The following CYP39A1 variants were observed in gnomAD, a reference collection of about 807,000 sequenced individuals.
The protein encoded by CYP39A1 is cytochrome P450 family 39 subfamily A member 1.
A neutral mutation model predicts 58.1 loss-of-function variants in CYP39A1; 49 were observed. The observed-to-expected ratio is 0.84, with a 90% CI of 0.67 to 1.07. CYP39A1 has a LOEUF of 1.07. CYP39A1 is among the 50% of genes least tolerant of loss of function. The pLI is 0.00. For synonymous variants in CYP39A1, 209 were observed against 187.6 expected (o/e 1.11, Z -0.93); for missense variants, 531 against 539.4 (o/e 0.98, Z 0.16).
chr6:46,596,042 C>G lies in CYP39A1; in HGVS notation c.1010G>C (p.Arg337Pro). 6.2e-7 allele frequency: 1 copy of G among 1,611,816 alleles called. No individual in the cohort carries two copies. The highest frequency in any genetic ancestry group is 8.5e-7 in the Non-Finnish European group (1 of 1,178,726). ...LIKWCVLETI[R>P]LKAPGVITRK... ...AGTAATGACACCAGGAGCTTTTAAA[C>G]GAATGGTTTCCAAAACACACCATTT... is the stretch of plus-strand genomic sequence containing the variant. The change falls in exon 8 of 12, where the codon CGT becomes CCT. Residue 337 changes from arginine to proline, a missense_variant. Transcript: ENST00000275016.
intron 1 of CYP39A1, among the ~76,000 whole-genome samples, chr6:46,643,749 C>G (rs1776483460): frequency 1.3e-5 from 2 of 152,136 alleles, no homozygotes; most frequent in African/African-American, 2.4e-5. Context: ...TGGTCATGCA[C>G]AGTGTTAGAA....
chr6:46,555,971 T>C (rs548191541), intron 10 of CYP39A1, among the ~76,000 whole-genome samples: 1 of 152,340 alleles, frequency 6.6e-6, no homozygotes, highest in South Asian at 2.1e-4. Flanking sequence ...AAATAGGACA[T>C]GGCTAATATT....
intron 1 of CYP39A1, among the ~76,000 whole-genome samples, chr6:46,651,485 G>A (rs1277033146): frequency 1.3e-5 from 2 of 152,082 alleles, no homozygotes; most frequent in Admixed American, 1.3e-4. Context: ...AAATACATAG[G>A]AAAATGACCA....
At chr6:46,619,139 A>G (rs1774804101) in intron 7 of CYP39A1, among the ~76,000 whole-genome samples, 1 of 152,120 alleles carries the variant, frequency 6.6e-6, no homozygotes, top group African/African-American at 2.4e-5. Context: ...CCATCATACA[A>G]TAGGGTTCTG....
intron 10 of CYP39A1, among the ~76,000 whole-genome samples, chr6:46,573,854 T>C (rs1377377510): frequency 2.0e-5 from 3 of 152,196 alleles, no homozygotes; most frequent in Non-Finnish European, 4.4e-5. Flanking sequence ...GCACAGGTTA[T>C]TTAGAAAGCA....
chr6:46,616,528 C>G (rs915903812), intron 7 of CYP39A1, among the ~76,000 whole-genome samples: 1 of 151,876 alleles, frequency 6.6e-6, no homozygotes, highest in Non-Finnish European at 1.5e-5. Flanking sequence ...CCATCATGCC[C>G]ACCCATTTAT....
chr6:46,645,753 G>A (rs898868127), intron 1 of CYP39A1, among the ~76,000 whole-genome samples: 1 of 152,078 alleles, frequency 6.6e-6, no homozygotes, highest in Non-Finnish European at 1.5e-5. Context: ...TCAGTTTGGA[G>A]GAAACTGACA....
At chr6:46,604,377 A>G (rs1235112446) in intron 7 of CYP39A1, among the ~76,000 whole-genome samples, 2 of 152,200 alleles carry the variant, frequency 1.3e-5, no homozygotes, top group Non-Finnish European at 2.9e-5. Flanking sequence ...TCCTTGAGGT[A>G]TAAACATCTC....
intron 7 of CYP39A1, among the ~76,000 whole-genome samples, chr6:46,618,828 C>T (rs935349322): frequency 1.3e-5 from 2 of 151,996 alleles, no homozygotes; most frequent in East Asian, 1.9e-4. Flanking sequence ...CTCTCCCTCT[C>T]GGGGCAAGCT....
At chr6:46,575,395 G>T (rs1016246466) in intron 10 of CYP39A1, among the ~76,000 whole-genome samples, 8 of 152,186 alleles carry the variant, frequency 5.3e-5, no homozygotes, top group Non-Finnish European at 5.9e-5. Context: ...ACCCCAGTCT[G>T]CTGGCCTCTC....
At chr6:46,561,429 G>C (rs979954409) in intron 10 of CYP39A1, among the ~76,000 whole-genome samples, 2 of 152,078 alleles carry the variant, frequency 1.3e-5, no homozygotes, top group Non-Finnish European at 2.9e-5. Context: ...TGCAGTATGG[G>C]AGCTGCGCAA....
chr6:46,625,254 C>T (rs1775240653), intron 7 of CYP39A1, among the ~76,000 whole-genome samples, 164 bp downstream of exon 7: 1 of 152,104 alleles, frequency 6.6e-6, no homozygotes, highest in African/African-American at 2.4e-5. Context: ...AGTAATTAAA[C>T]TCTAGGATTC....
chr6:46,635,952 T>C (rs140302125), intron 5 of CYP39A1, among the ~76,000 whole-genome samples: 16 of 152,306 alleles, frequency 1.1e-4, no homozygotes, highest in South Asian at 4.1e-4. Flanking sequence ...GGAATAACGC[T>C]TAGGGCACAG....
At chr6:46,610,551 C>T (rs1774151540) in intron 7 of CYP39A1, among the ~76,000 whole-genome samples, 1 of 152,060 alleles carries the variant, frequency 6.6e-6, no homozygotes, top group African/African-American at 2.4e-5. Context: ...CACTATGTTG[C>T]CCAGGCTGGT....
chr6:46,573,401 T>G (rs573601209), intron 10 of CYP39A1, among the ~76,000 whole-genome samples: 1 of 152,270 alleles, frequency 6.6e-6, no homozygotes, highest in African/African-American at 2.4e-5. Flanking sequence ...TTGACAGGAC[T>G]GTGGGGGTCC....
At chr6:46,582,982 G>A in intron 10 of CYP39A1, 1 of 789,930 alleles carries the variant, frequency 1.3e-6, no homozygotes, top group Non-Finnish European at 1.5e-6. Flanking sequence ...ACTATTAGAT[G>A]GACCTCTGAT....
chr6:46,639,404 C>T lies in CYP39A1; in HGVS notation c.488+90G>A. ...TAGTTAGGTAGATTTCATTAATCAA[C>T]CTGACAATGTTTGAAGTCCAATCTA... On this transcript the variant is annotated intron_variant, in intron 3 of 11. Coordinates refer to ENST00000275016, the MANE Select transcript of CYP39A1 (RefSeq NM_016593.5). The T allele has an allele frequency of 2.4e-6, 3 of 1,252,044 alleles. No individual in the cohort carries two copies. The South Asian group carries it at 4.0e-5, about 17-fold the overall frequency. 77.6% of individuals were successfully genotyped at this position (1,252,044 alleles called of 1,614,324 possible). A position where few individuals can be genotyped will look rare whatever the true frequency, so the allele number is the denominator to read the frequency against.
At position 46,652,809 on chromosome 6, in the gene CYP39A1, GA is replaced by G; in HGVS notation, c.-228del. The G allele has an allele frequency of 2.0e-6, 1 of 499,282 alleles. No individual in the cohort carries two copies. The highest frequency in any genetic ancestry group is 3.5e-6 in the Non-Finnish European group (1 of 287,762). The allele number at this position is 499,282 out of a possible 1,614,324, so 30.9% of individuals were successfully genotyped here. On this transcript the variant is annotated 5_prime_UTR_variant, in exon 1 of 12. Coordinates refer to ENST00000275016, the MANE Select transcript of CYP39A1 (RefSeq NM_016593.5). ...TTCTCTTTGAATCTCAGCCAGCGCGGAAAAAATGCAAGGAGGGGCAGGGCCG... is the reference window on the plus strand; with the variant it reads ...TTCTCTTTGAATCTCAGCCAGCGCGGAAAAATGCAAGGAGGGGCAGGGCCG...
intron 7 of CYP39A1, among the ~76,000 whole-genome samples, chr6:46,600,214 T>G (rs888154348): frequency 6.6e-6 from 1 of 151,968 alleles, no homozygotes; most frequent in African/African-American, 2.4e-5. Flanking sequence ...CTACAACCTC[T>G]GACTCCCAGG....
Sources: allele counts gnomAD v4.1 joint callset (sites outside exome capture counted in the v4.1 genomes callset), GRCh38; gene constraint gnomAD v4.1.1; transcripts MANE v1.5; gene names NCBI Gene and HGNC (gene_info 2026-07-23, HGNC 2026-07-21).